GPCPD1: variants seen among roughly 807,000 people sequenced by gnomAD.
GPCPD1 encodes the protein glycerophosphocholine phosphodiesterase GPCPD1.
In GPCPD1, 29 loss-of-function variants were observed where a neutral mutation model predicts 89.2. The ratio of observed to expected loss-of-function variants is 0.33; its 90% CI spans 0.24 to 0.44. GPCPD1 has a LOEUF of 0.44. Ranked by LOEUF, GPCPD1 falls within the 20% of genes least tolerant of loss-of-function variation. The pLI is 1.00. For synonymous variants in GPCPD1, 258 were observed against 266.3 expected (o/e 0.97, Z 0.30); for missense variants, 594 against 808.9 (o/e 0.73, Z 3.22).
chr20:5,587,759 T>C (rs577488724), intron 4 of GPCPD1, among the ~76,000 whole-genome samples: 101 of 152,336 alleles, frequency 6.6e-4, no homozygotes, highest in African/African-American at 2.3e-3. Context: ...ACACTTTCTA[T>C]AGGATTTTAA....
At chr20:5,573,402 A>T (rs1986830163) in intron 11 of GPCPD1, among the ~76,000 whole-genome samples, 1 of 152,130 alleles carries the variant, frequency 6.6e-6, no homozygotes, top group Non-Finnish European at 1.5e-5. Context: ...CTTTTTTGAG[A>T]TAATAAATTT....
At chr20:5,581,969 G>A (rs1406058509) in intron 6 of GPCPD1, among the ~76,000 whole-genome samples, 4 of 148,256 alleles carry the variant, frequency 2.7e-5, no homozygotes, top group Admixed American at 6.7e-5. Context: ...CGGATCACGA[G>A]GTCAGGAGAT....
intron 19 of GPCPD1, chr20:5,549,189 C>G (rs1985222787): frequency 1.5e-6 from 1 of 671,018 alleles, no homozygotes; most frequent in Non-Finnish European, 2.8e-6. Context: ...GAACAAACAG[C>G]AGAGATGAAG....
chr20:5,588,878 T>C lies in GPCPD1; in HGVS notation c.232-2609A>G, dbSNP rs929776650. Among the ~76,000 whole-genome samples the C allele has an allele frequency of 3.3e-5, 5 of 151,896 alleles. No homozygotes were observed. In the South Asian group the frequency reaches 6.3e-4, roughly 19 times the overall value. ...AGAAAAGGGTGCTATGAATATAATA[T>C]TAAATGTCAAAAAGAGGTAACGGCA... is the stretch of plus-strand genomic sequence containing the variant. On this transcript the variant is annotated intron_variant, in intron 4 of 19. Coordinates refer to ENST00000379019, the MANE Select transcript of GPCPD1 (RefSeq NM_019593.5).
chr20:5,610,832 G>C lies in GPCPD1; in HGVS notation c.-29+10C>G, dbSNP rs955854125. The C allele has an allele frequency of 6.6e-6, 1 of 151,250 alleles. No individual in the cohort carries two copies. The highest frequency in any genetic ancestry group is 2.4e-5 in the African/African-American group (1 of 41,274). The allele number at this position is 151,250 out of a possible 1,614,324, so 9.4% of individuals were successfully genotyped here. A position where few individuals can be genotyped will look rare whatever the true frequency, so the allele number is the denominator to read the frequency against. On this transcript the variant is annotated intron_variant, in intron 1 of 19. Coordinates refer to ENST00000379019, the MANE Select transcript of GPCPD1 (RefSeq NM_019593.5). ...GCCGCCCGGCCCCCGCACCCGGCTCGCTGCCTCACCTCCGGGTTCGCTAGT... is the reference window on the plus strand; with the variant it reads ...GCCGCCCGGCCCCCGCACCCGGCTCCCTGCCTCACCTCCGGGTTCGCTAGT...
At chr20:5,576,202 CA>C (rs1978288397) in intron 8 of GPCPD1, among the ~76,000 whole-genome samples, 1 of 151,700 alleles carries the variant, frequency 6.6e-6, no homozygotes, top group African/African-American at 2.4e-5. Flanking sequence ...AGGCAGATCA[CA>C]AGGTCAGGAG....
chr20:5,561,497 TA>T lies in GPCPD1; in HGVS notation c.1362del (p.Phe454LeufsTer5). The T allele has an allele frequency of 6.2e-7, 1 of 1,603,014 alleles. No individual in the cohort carries two copies. Among genetic ancestry groups the T allele is most frequent in the Non-Finnish European group, 8.5e-7 (1 of 1,170,912 alleles). On this transcript the variant is annotated frameshift_variant, in exon 16 of 20. Transcript: ENST00000379019. LOFTEE classifies it high-confidence loss of function. ...VLESLPEDVG[F>X]NIEIKWICQQ... ...TGGCAGATCCATTTTATTTCAATGT[TA>T]AACCCTACATCTTCTGGCAAAGACT...
intron 5 of GPCPD1, chr20:5,585,474 A>T (rs1978847278): frequency 1.3e-5 from 2 of 152,064 alleles, no homozygotes; most frequent in South Asian, 4.1e-4. Context: ...AGATGAATAC[A>T]TGTGGGTAAT....
At chr20:5,573,218 G>A (rs1292124937) in intron 11 of GPCPD1, among the ~76,000 whole-genome samples, 1 of 151,914 alleles carries the variant, frequency 6.6e-6, no homozygotes, top group Non-Finnish European at 1.5e-5. Flanking sequence ...CCAAGTAGCT[G>A]GGATAACAGG....
At chr20:5,558,562 C>T (rs1043894315) in intron 18 of GPCPD1, 122 bp downstream of exon 18, 4 of 581,368 alleles carry the variant, frequency 6.9e-6, no homozygotes, top group East Asian at 6.8e-5. Flanking sequence ...AGTAGAGCCA[C>T]TTGTTTGCTA....
chr20:5,549,453 C>T (rs1469043982), intron 19 of GPCPD1: 1 of 1,203,066 alleles, frequency 8.3e-7, no homozygotes. Context: ...AAAAACAGCT[C>T]CACCACTAAA....
chr20:5,578,959 G>A (rs901129303), intron 7 of GPCPD1, among the ~76,000 whole-genome samples: 8 of 152,092 alleles, frequency 5.3e-5, no homozygotes, highest in East Asian at 1.9e-4. Context: ...AAGCTGACGC[G>A]GGAGGATTGC....
Position 5,580,587 on chromosome 20 carries a change from G to T in GPCPD1, c.350-456C>A, listed in dbSNP as rs151273282. Among the ~76,000 whole-genome samples the T allele has an allele frequency of 8.8e-4, 133 of 151,816 alleles. 1 individual carries two copies. Among genetic ancestry groups the T allele is most frequent in the African/African-American group, 3.0e-3 (125 of 41,430 alleles). On this transcript the variant is annotated intron_variant, in intron 6 of 19. Transcript: ENST00000379019. ...ACAAATACAAAAAAAATAGCCGGGC[G>T]TGGTGGCGGGCGCCTGTAGTCCCAG...
At chr20:5,554,678 T>C (rs1039591074) in intron 19 of GPCPD1, among the ~76,000 whole-genome samples, 10 of 152,336 alleles carry the variant, frequency 6.6e-5, no homozygotes, top group African/African-American at 2.2e-4. Flanking sequence ...AGATTGCTGC[T>C]TTCATACCTG....
chr20:5,579,850 G>A (rs1978337012), intron 7 of GPCPD1, among the ~76,000 whole-genome samples, 158 bp downstream of exon 7: 1 of 152,214 alleles, frequency 6.6e-6, no homozygotes, highest in Admixed American at 6.5e-5. Context: ...GTAGCAATCT[G>A]AGCGGGGATA....
At chr20:5,553,440 G>A (rs1344424944) in intron 19 of GPCPD1, among the ~76,000 whole-genome samples, 1 of 152,020 alleles carries the variant, frequency 6.6e-6, no homozygotes, top group Non-Finnish European at 1.5e-5. Flanking sequence ...TGGCCCCTAA[G>A]TGCTCAGGTG....
intron 4 of GPCPD1, among the ~76,000 whole-genome samples, chr20:5,592,307 G>A (rs1600786132): frequency 6.6e-6 from 1 of 152,146 alleles, no homozygotes; most frequent in African/African-American, 2.4e-5. Context: ...CCAAATAAAT[G>A]AGATGCCCTT....
At chr20:5,600,689 G>A (rs933634087) in intron 2 of GPCPD1, among the ~76,000 whole-genome samples, 4 of 152,170 alleles carry the variant, frequency 2.6e-5, no homozygotes, top group Non-Finnish European at 4.4e-5. Flanking sequence ...AAAATTAGCT[G>A]GGTGTGGTAG....
rs1985528206 is a variant in GPCPD1, at chr20:5,553,125, C to T, written c.1829+4820G>A. ...TTGAAGCTTTGTGACCACCCTGCAT[C>T]CAGCAAGTCTGTTGGTGCCATTTTC... On this transcript the variant is annotated intron_variant, in intron 19 of 19. Transcript: ENST00000379019. 2.0e-5 allele frequency among the ~76,000 whole-genome samples: 3 copies of T among 152,184 alleles called. No individual in the cohort carries two copies. In the South Asian group the frequency reaches 6.2e-4, roughly 31 times the overall value.
Sources: allele counts gnomAD v4.1 joint callset (sites outside exome capture counted in the v4.1 genomes callset), GRCh38; gene constraint gnomAD v4.1.1; transcripts MANE v1.5; gene names NCBI Gene and HGNC (gene_info 2026-07-23, HGNC 2026-07-21).